Variants in CALN1 observed in about 807,000 individuals in gnomAD.
CALN1 encodes the protein calneuron 1.
Under a neutral mutation model 30.6 loss-of-function variants are expected in CALN1, and 17 were observed. The observed-to-expected ratio is 0.56, with a 90% confidence interval of 0.38 to 0.83. The LOEUF is 0.83. Ranked by LOEUF, CALN1 falls within the 40% of genes least tolerant of loss-of-function variation. CALN1 has a pLI of 0.00. For missense variants in CALN1, 291 were observed against 354.9 expected, an observed-to-expected ratio of 0.82 and a Z score of 1.45; for synonymous variants, 156 against 131.4, an observed-to-expected ratio of 1.19 and a Z score of -1.28.
At chr7:71,921,771 A>ATT (rs1794957457) in intron 5 of CALN1, among the ~76,000 whole-genome samples, 1 of 152,096 alleles carries the variant, frequency 6.6e-6, no homozygotes, top group Non-Finnish European at 1.5e-5. Context: ...TGGGACACAT[A>ATT]ATCTGTCCTT....
chr7:72,461,964 C>T, the CALN1 span, among the ~76,000 whole-genome samples: 1,021 of 151,726 alleles, frequency 6.7e-3, 9 homozygotes, highest in African/African-American at 0.024. Flanking sequence ...GCCAAGATTG[C>T]GCCACCGCAC....
chr7:72,436,441 T>A (rs1237256418), intron 1 of CALN1, among the ~76,000 whole-genome samples: 2 of 152,152 alleles, frequency 1.3e-5, no homozygotes, highest in East Asian at 3.9e-4. Context: ...GAACTGTGAG[T>A]CCATTAAACA....
chr7:72,189,696 A>C (rs752982779), intron 3 of CALN1, among the ~76,000 whole-genome samples: 8 of 150,304 alleles, frequency 5.3e-5, no homozygotes. Context: ...TGAATCCAGG[A>C]GGCAGAGGCT....
intron 6 of CALN1, among the ~76,000 whole-genome samples, chr7:71,805,116 C>G (rs144705726): frequency 0.012 from 1,794 of 152,320 alleles, 21 homozygotes; most frequent in South Asian, 0.033. Context: ...CTCTCCTGAG[C>G]TCCCAGCCCT....
At chr7:71,790,424 G>GAAAGAAAGAAAGA (rs1040789927) in intron 6 of CALN1, among the ~76,000 whole-genome samples, 10 of 148,070 alleles carry the variant, frequency 6.8e-5, no homozygotes, top group African/African-American at 2.5e-4. Context: ...AAGAAAGAAA[G>GAAAGAAAGAAAGA]AAGCAAGCAA....
intron 2 of CALN1, chr7:72,337,022 C>A: frequency 1.0e-6 from 1 of 985,610 alleles, no homozygotes; most frequent in Non-Finnish European, 1.2e-6. Flanking sequence ...GGACGTGTGC[C>A]CCGCACCCCC....
intron 5 of CALN1, among the ~76,000 whole-genome samples, chr7:71,844,239 C>T (rs1790109195): frequency 1.3e-5 from 2 of 152,164 alleles, no homozygotes; most frequent in South Asian, 2.1e-4. Flanking sequence ...TCAGATGCCC[C>T]TGCCATCACC....
intron 3 of CALN1, among the ~76,000 whole-genome samples, chr7:72,269,634 C>T (rs2129553354): frequency 6.6e-6 from 1 of 152,228 alleles, no homozygotes; most frequent in African/African-American, 2.4e-5. Flanking sequence ...TGATTTGCCC[C>T]CCAACAGAGC....
intron 3 of CALN1, among the ~76,000 whole-genome samples, chr7:72,236,149 A>G (rs1794464505): frequency 6.6e-6 from 1 of 152,084 alleles, no homozygotes; most frequent in Admixed American, 6.6e-5. Context: ...CCAATTTCTT[A>G]CAAGCTGAAA....
At chr7:72,116,998 T>C (rs1429781106) in intron 3 of CALN1, among the ~76,000 whole-genome samples, 1 of 152,098 alleles carries the variant, frequency 6.6e-6, no homozygotes, top group Non-Finnish European at 1.5e-5. Context: ...TGGAGGTGCT[T>C]ACAGGTCGTA....
At chr7:72,479,552 A>ATTTTT in the CALN1 span, among the ~76,000 whole-genome samples, 4,580 of 130,600 alleles carry the variant, frequency 0.035, 123 homozygotes, top group Non-Finnish European at 0.045. Flanking sequence ...TTATAGCACA[A>ATTTTT]TTTTTTTTTT....
At chr7:72,207,273 A>T (rs565263845) in intron 3 of CALN1, among the ~76,000 whole-genome samples, 65 of 152,014 alleles carry the variant, frequency 4.3e-4, no homozygotes, top group African/African-American at 1.5e-3. Context: ...TCTTATCTTG[A>T]GTTTTGGGTT....
intron 4 of CALN1, among the ~76,000 whole-genome samples, chr7:72,044,560 G>A (rs957514766): frequency 6.7e-6 from 1 of 149,952 alleles, no homozygotes; most frequent in African/African-American, 2.5e-5. Context: ...ACGGTTGCAG[G>A]GTATTTTTTA....
chr7:72,266,605 T>C (rs1444623948), intron 3 of CALN1, among the ~76,000 whole-genome samples: 1 of 152,178 alleles, frequency 6.6e-6, no homozygotes, highest in Non-Finnish European at 1.5e-5. Context: ...CCTTTGCAGT[T>C]GTGTTTTTTC....
chr7:71,897,686 G>A (rs1449192094), intron 5 of CALN1, among the ~76,000 whole-genome samples: 2 of 151,506 alleles, frequency 1.3e-5, no homozygotes, highest in Non-Finnish European at 2.9e-5. Context: ...AGAGGGGCTG[G>A]GGGGAAGATA....
intron 4 of CALN1, among the ~76,000 whole-genome samples, chr7:72,043,898 A>T (rs919217210): frequency 6.6e-6 from 1 of 152,220 alleles, no homozygotes; most frequent in Non-Finnish European, 1.5e-5. Context: ...TCATGGCGGA[A>T]GGCAAAGGAG....
chr7:72,000,315 A>T (rs922005083), intron 5 of CALN1, among the ~76,000 whole-genome samples: 2 of 152,112 alleles, frequency 1.3e-5, no homozygotes, highest in Non-Finnish European at 2.9e-5. Flanking sequence ...AGAAAACACA[A>T]ATCACCAATA....
At chr7:72,292,750 G>A (rs1407601589) in intron 2 of CALN1, among the ~76,000 whole-genome samples, 2 of 143,520 alleles carry the variant, frequency 1.4e-5, no homozygotes, top group South Asian at 2.1e-4. Context: ...GAACCTGGGA[G>A]GTGAAGGTTA....
At chr7:72,218,591 T>C (rs981862591) in intron 3 of CALN1, among the ~76,000 whole-genome samples, 3 of 152,192 alleles carry the variant, frequency 2.0e-5, no homozygotes, top group Admixed American at 6.5e-5. Context: ...AACCTGACCA[T>C]GTAGAGGACG....
Sources: gnomAD v4.1 joint callset for allele counts (sites outside exome capture counted in the v4.1 genomes callset) on GRCh38, gnomAD v4.1.1 for gene constraint, MANE v1.5 for transcripts, NCBI Gene and HGNC (gene_info 2026-07-23, HGNC 2026-07-21) for gene names.